MAP3K4: variants seen among roughly 807,000 people sequenced by gnomAD.
The protein encoded by MAP3K4 is MAP three kinase 1.
A neutral mutation model predicts 185.6 loss-of-function variants in MAP3K4; 67 were observed. The observed-to-expected ratio is 0.36, with a 90% CI of 0.30 to 0.44. The LOEUF (loss-of-function observed/expected upper bound fraction) is 0.44. Ranked by LOEUF, MAP3K4 falls within the 20% of genes least tolerant of loss-of-function variation. The pLI is 1.00. For synonymous variants in MAP3K4, 702 were observed against 710.4 expected, an observed-to-expected ratio of 0.99 and a Z score of 0.19; for missense variants, 1,551 against 1,995.1, an observed-to-expected ratio of 0.78 and a Z score of 4.24.
intron 11 of MAP3K4, among the ~76,000 whole-genome samples, chr6:161,090,297 T>G (rs1785964067): frequency 6.6e-6 from 1 of 152,152 alleles, no homozygotes; most frequent in African/African-American, 2.4e-5. Flanking sequence ...TAAGGGTGGG[T>G]AGAGAGAGAG....
chr6:161,038,794 C>T (rs1294275696), intron 2 of MAP3K4, among the ~76,000 whole-genome samples: 2 of 152,194 alleles, frequency 1.3e-5, no homozygotes, highest in Non-Finnish European at 2.9e-5. Context: ...TCTGAGCCCT[C>T]ATTTTTTTTG....
At chr6:161,094,412 C>T (rs1777478956) in intron 15 of MAP3K4, among the ~76,000 whole-genome samples, 1 of 152,122 alleles carries the variant, frequency 6.6e-6, no homozygotes, top group Non-Finnish European at 1.5e-5. Flanking sequence ...AGTTTATGTA[C>T]AATTTTACAG....
At position 161,071,760 on chromosome 6, in the gene MAP3K4, T is replaced by C. The variant is rs1023539074; in HGVS notation, c.1950+910T>C. 1.3e-5 allele frequency among the ~76,000 whole-genome samples: 2 copies of C among 152,240 alleles called. No homozygotes were observed. Among genetic ancestry groups the C allele is most frequent in the African/African-American group, 4.8e-5 (2 of 41,464 alleles). ...CAGCACCGCCAGAGCTCTGTTTCCA[T>C]GTTAGCTCCCCTTCCTTCTCACCCT... On this transcript the variant is annotated intron_variant, in intron 4 of 26. Coordinates refer to ENST00000392142, the MANE Select transcript of MAP3K4 (RefSeq NM_005922.4). The surrounding 1 kb of genome is among the most constrained non-coding windows in gnomAD (Gnocchi z 4.6).
Position 161,067,278 on chromosome 6 carries a change from TG to T in MAP3K4, c.1708-3326del, listed in dbSNP as rs752521119. On this transcript the variant is annotated intron_variant, in intron 3 of 26. Transcript: ENST00000392142. This position sits in a 1 kb window ranked among gnomAD's most constrained non-coding sequence, Gnocchi z 6.3. ...AAGACAGGACAACTCGAAGCAGGGA[TG>T]GGGCTTGCAGGTCACAGGTAGGTAA... 27 of 441,348 alleles carry T rather than the reference TG, an allele frequency of 6.1e-5. 1 individual carries two copies. The highest frequency in any genetic ancestry group is 4.0e-4 in the South Asian group (25 of 61,760). 27.3% of individuals were successfully genotyped at this position (441,348 alleles called of 1,614,324 possible).
intron 1 of MAP3K4, among the ~76,000 whole-genome samples, chr6:161,021,288 G>A (rs1436958105): frequency 6.6e-6 from 1 of 152,166 alleles, no homozygotes; most frequent in African/African-American, 2.4e-5. Flanking sequence ...GACAGAAGCT[G>A]TTGGGGATAA....
At chr6:161,019,558 T>C (rs544155956) in intron 1 of MAP3K4, among the ~76,000 whole-genome samples, 15 of 152,278 alleles carry the variant, frequency 9.9e-5, no homozygotes, top group African/African-American at 3.1e-4. Context: ...AGGCGTGTGC[T>C]ACCACACCCA....
chr6:161,090,200 G>T (rs567757022), intron 11 of MAP3K4, among the ~76,000 whole-genome samples: 25 of 152,156 alleles, frequency 1.6e-4, no homozygotes, highest in Non-Finnish European at 3.5e-4. Context: ...AAATATTTAG[G>T]TTATCTCTCT....
intron 3 of MAP3K4, among the ~76,000 whole-genome samples, chr6:161,057,951 A>G (rs1784315931): frequency 6.6e-6 from 1 of 152,288 alleles, no homozygotes; most frequent in Non-Finnish European, 1.5e-5. Context: ...TATCACAGGT[A>G]GGATAGAAGT....
intron 18 of MAP3K4, among the ~76,000 whole-genome samples, 158 bp downstream of exon 18, chr6:161,102,150 A>G (rs1319183808): frequency 6.6e-6 from 1 of 152,212 alleles, no homozygotes; most frequent in Non-Finnish European, 1.5e-5. Context: ...GAGCTTTATG[A>G]GAAGACTTAC....
At position 160,996,232 on chromosome 6, in the gene MAP3K4, C is replaced by T. The variant is rs1780984255; in HGVS notation, c.152+4149C>T. ...CCACTGTAACAGTAGATGCCATTGG[C>T]GGGGGTGGCGTTAGGCAGAGAGGAG... On this transcript the variant is annotated intron_variant, in intron 1 of 26. Coordinates refer to ENST00000392142, the MANE Select transcript of MAP3K4 (RefSeq NM_005922.4). The surrounding 1 kb of genome is among the most constrained non-coding windows in gnomAD (Gnocchi z 4.5). Among the ~76,000 whole-genome samples, 1 of 152,128 alleles carries T rather than the reference C, an allele frequency of 6.6e-6. No homozygotes were observed. Among genetic ancestry groups the T allele is most frequent in the South Asian group, 2.1e-4 (1 of 4,824 alleles).
At position 161,000,912 on chromosome 6, in the gene MAP3K4, T is replaced by C. The variant is rs965725326; in HGVS notation, c.152+8829T>C. ...TACTATACATATATGTACACACACA[T>C]ATATAGTGTATAATATGCATATATA... On this transcript the variant is annotated intron_variant, in intron 1 of 26. Transcript: ENST00000392142. Among the ~76,000 whole-genome samples, 4 of 147,816 alleles carry C rather than the reference T, an allele frequency of 2.7e-5. 1 individual carries two copies. Among genetic ancestry groups the C allele is most frequent in the Admixed American group, 6.8e-5 (1 of 14,754 alleles).
rs143122711 is a variant in MAP3K4, at chr6:161,092,000, C to A, written c.3136-10C>A. ...TCCTTAATGTTGATATACATGAAATCTTCTTACAGTATCATAAAGAAGTTG... is the reference window on the plus strand; with the variant it reads ...TCCTTAATGTTGATATACATGAAATATTCTTACAGTATCATAAAGAAGTTG... On this transcript the variant is annotated splice_polypyrimidine_tract_variant and intron_variant, in intron 12 of 26. Coordinates refer to ENST00000392142, the MANE Select transcript of MAP3K4 (RefSeq NM_005922.4). This position sits in a 1 kb window ranked among gnomAD's most constrained non-coding sequence, Gnocchi z 5.5. The A allele has an allele frequency of 9.7e-4, 1,563 of 1,605,716 alleles. 21 individuals carry two copies. Among genetic ancestry groups the A allele is most frequent in the Non-Finnish European group, 4.6e-5 (54 of 1,172,722 alleles).
chr6:161,072,890 T>TTTTTG, intron 4 of MAP3K4, among the ~76,000 whole-genome samples: 1 of 152,158 alleles, frequency 6.6e-6, no homozygotes, highest in Non-Finnish European at 1.5e-5. Context: ...ATTTGCCCAT[T>TTTTTG]TTTTGTTTTG....
chr6:161,002,623 GCT>G (rs1477567329), intron 1 of MAP3K4, among the ~76,000 whole-genome samples: 2 of 114,688 alleles, frequency 1.7e-5, no homozygotes, highest in East Asian at 5.1e-4. Flanking sequence ...ATGGAGTCTC[GCT>G]CTGTCACCCA....
Position 161,103,990 on chromosome 6 carries a change from T to C in MAP3K4, c.3856+1211T>C, listed in dbSNP as rs183012606. Among the ~76,000 whole-genome samples the C allele has an allele frequency of 1.3e-5, 2 of 152,312 alleles. No homozygotes were observed. Among genetic ancestry groups the C allele is most frequent in the African/African-American group, 4.8e-5 (2 of 41,580 alleles). ...AAGACAGTTTCTTCAGTGGCTCACATGTAATCAGCAGTTCCCACGGATACC... is the reference window on the plus strand; with the variant it reads ...AAGACAGTTTCTTCAGTGGCTCACACGTAATCAGCAGTTCCCACGGATACC... On this transcript the variant is annotated intron_variant, in intron 19 of 26. Transcript: ENST00000392142. The surrounding 1 kb of genome is among the most constrained non-coding windows in gnomAD (Gnocchi z 4.6).
Position 161,034,345 on chromosome 6 carries a change from T to C in MAP3K4, c.239T>C (p.Leu80Pro), listed in dbSNP as rs1001513610. The C allele has an allele frequency of 6.2e-7, 1 of 1,613,912 alleles. No homozygotes were observed. The highest frequency in any genetic ancestry group is 8.5e-7 in the Non-Finnish European group (1 of 1,179,878). ...DFSDETNTEN[L>P]YGTSPPSTPR... ...TCCGATGAAACAAATACAGAGAATC[T>C]TTATGGTACCTCTCCCCCCAGCACA... The change falls in exon 2 of 27, where the codon CTT becomes CCT. Residue 80 changes from leucine to proline, a missense_variant. Transcript: ENST00000392142. The surrounding 1 kb of genome is among the most constrained non-coding windows in gnomAD (Gnocchi z 4.4).
chr6:161,046,794 C>A (rs1045927016), intron 2 of MAP3K4, among the ~76,000 whole-genome samples: 1 of 150,728 alleles, frequency 6.6e-6, no homozygotes, highest in Non-Finnish European at 1.5e-5. Context: ...TGTAAATATA[C>A]CCTATTCCAT....
chr6:161,063,264 C>A lies in MAP3K4; in HGVS notation c.1708-7344C>A, dbSNP rs111774195. Reference sequence around the variant, plus strand: ...ATATTTTTTATGATTTTCTTAATTTCTTTTAGTTTATTTCAGAAATCGGTC... The same window carrying A: ...ATATTTTTTATGATTTTCTTAATTTATTTTAGTTTATTTCAGAAATCGGTC... On this transcript the variant is annotated intron_variant, in intron 3 of 26. Transcript: ENST00000392142. This position sits in a 1 kb window ranked among gnomAD's most constrained non-coding sequence, Gnocchi z 5.4. Among the ~76,000 whole-genome samples the A allele has an allele frequency of 4.9e-4, 74 of 151,678 alleles. No individual in the cohort carries two copies. The highest frequency in any genetic ancestry group is 1.6e-3 in the African/African-American group (68 of 41,342).
rs956237114 is a variant in MAP3K4 at position 161,056,075 on chromosome 6, C to T, written c.1707+6096C>T. Among the ~76,000 whole-genome samples the T allele has an allele frequency of 3.9e-5, 6 of 152,188 alleles. No homozygotes were observed. The highest frequency in any genetic ancestry group is 6.5e-5 in the Admixed American group (1 of 15,278). On this transcript the variant is annotated intron_variant, in intron 3 of 26. Coordinates refer to ENST00000392142, the MANE Select transcript of MAP3K4 (RefSeq NM_005922.4). This position sits in a 1 kb window ranked among gnomAD's most constrained non-coding sequence, Gnocchi z 5.4. ...AGTACCATTGTTACTGATTTTGTTGCTCAGGCTGTTCTTGTTTTAGCCCAT... is the reference window on the plus strand; with the variant it reads ...AGTACCATTGTTACTGATTTTGTTGTTCAGGCTGTTCTTGTTTTAGCCCAT...
Sources: gnomAD v4.1 joint callset for allele counts (sites outside exome capture counted in the v4.1 genomes callset) on GRCh38, gnomAD v4.1.1 for gene constraint, Gnocchi (gnomAD v3.1) non-coding constraint, MANE v1.5 for transcripts, NCBI Gene and HGNC (gene_info 2026-07-23, HGNC 2026-07-21) for gene names.